The following RPS6KC1 variants were observed in gnomAD, a reference collection of about 807,000 sequenced individuals.
RPS6KC1 encodes inactive ribosomal protein S6 kinase delta-1.
A neutral mutation model predicts 103.8 loss-of-function variants in RPS6KC1; 54 were observed. The observed-to-expected ratio is 0.52, with a 90% CI of 0.42 to 0.65. RPS6KC1 has a LOEUF of 0.65. Ranked by LOEUF, RPS6KC1 falls within the 30% of genes least tolerant of loss-of-function variation. The pLI is 0.00. For missense variants in RPS6KC1, 1,151 were observed against 1,253.8 expected, an observed-to-expected ratio of 0.92 and a Z score of 1.24; for synonymous variants, 439 against 438.7, an observed-to-expected ratio of 1.00 and a Z score of -0.01.
intron 5 of RPS6KC1, among the ~76,000 whole-genome samples, chr1:213,118,298 C>T (rs1266686154): frequency 6.7e-6 from 1 of 149,762 alleles, no homozygotes; most frequent in African/African-American, 2.5e-5. Flanking sequence ...AGTTTTTTTT[C>T]AGGGAAGGTT....
the RPS6KC1 span, among the ~76,000 whole-genome samples, chr1:213,637,556 A>G: frequency 7.4e-6 from 1 of 135,912 alleles, no homozygotes; most frequent in African/African-American, 2.5e-5. Context: ...CCTAGAACTT[A>G]AAGTATAATA....
At position 213,241,964 on chromosome 1, in the gene RPS6KC1, G is replaced by A; in HGVS notation, c.2488G>A (p.Glu830Lys). ...RICSPLSGAN[E>K]YIASTDTLKT... ...TTGTAGTCCACTCTCAGGTGCTAAT[G>A]AATATATTGCAAGCACAGACACTTT... The change falls in exon 11 of 15, where the codon GAA becomes AAA. Residue 830 changes from glutamate (E) to lysine (K), a missense_variant. Physicochemically the swap from Glu to Lys is moderately conservative, Grantham distance 56 (BLOSUM62 1). This residue lies in a region of RPS6KC1 where 959 missense variants were observed against 1,006.3 expected (regional missense o/e 0.95). Transcript: ENST00000366960. The A allele has an allele frequency of 1.2e-6, 2 of 1,613,966 alleles. No homozygotes were observed. Among genetic ancestry groups the A allele is most frequent in the East Asian group, 4.5e-5 (2 of 44,882 alleles).
At chr1:213,723,156 G>A in the RPS6KC1 span, among the ~76,000 whole-genome samples, 124 of 152,280 alleles carry the variant, frequency 8.1e-4, no homozygotes, top group African/African-American at 2.4e-3. Context: ...CTCCAGCCTG[G>A]GCAACAAGAG....
chr1:213,663,129 G>A, the RPS6KC1 span, among the ~76,000 whole-genome samples: 3 of 152,174 alleles, frequency 2.0e-5, no homozygotes, highest in Non-Finnish European at 4.4e-5. Flanking sequence ...GGGATTATTG[G>A]GTTATTGTGA....
chr1:213,575,881 C>T, the RPS6KC1 span, among the ~76,000 whole-genome samples: 8 of 152,152 alleles, frequency 5.3e-5, no homozygotes, highest in Non-Finnish European at 1.2e-4. Context: ...TGCTGATCTT[C>T]AGTTATGTCC....
intron 8 of RPS6KC1, among the ~76,000 whole-genome samples, chr1:213,184,431 A>G (rs915552614): frequency 6.6e-6 from 1 of 151,974 alleles, no homozygotes; most frequent in Non-Finnish European, 1.5e-5. Flanking sequence ...CATTAAATTC[A>G]TATTTATCTT....
the RPS6KC1 span, among the ~76,000 whole-genome samples, chr1:213,750,803 C>T: frequency 3.3e-5 from 5 of 152,146 alleles, no homozygotes; most frequent in African/African-American, 1.2e-4. Context: ...AGTTCCAGCC[C>T]TCTGCCCCCA....
chr1:213,529,201 G>A, the RPS6KC1 span, among the ~76,000 whole-genome samples: 6 of 151,088 alleles, frequency 4.0e-5, no homozygotes, highest in African/African-American at 1.5e-4. Context: ...AAGATAATGG[G>A]GAGGGGGATT....
intron 6 of RPS6KC1, among the ~76,000 whole-genome samples, chr1:213,133,866 A>G (rs1215235066): frequency 6.6e-6 from 1 of 152,190 alleles, no homozygotes; most frequent in Non-Finnish European, 1.5e-5. Flanking sequence ...GCTACTTCTC[A>G]CATGTTCCTC....
At chr1:213,430,637 A>AT in the RPS6KC1 span, among the ~76,000 whole-genome samples, 6 of 151,350 alleles carry the variant, frequency 4.0e-5, no homozygotes, top group South Asian at 2.1e-4. Context: ...TCCAGTCTGT[A>AT]TTTTTTTTTC....
At chr1:213,445,717 C>T in the RPS6KC1 span, among the ~76,000 whole-genome samples, 4 of 152,188 alleles carry the variant, frequency 2.6e-5, no homozygotes, top group African/African-American at 9.7e-5. Context: ...GGAAGCCACA[C>T]CCTCGTTATT....
intron 14 of RPS6KC1, among the ~76,000 whole-genome samples, chr1:213,270,818 T>G (rs1186825404): frequency 6.6e-6 from 1 of 152,156 alleles, no homozygotes; most frequent in Non-Finnish European, 1.5e-5. Context: ...TTTGAATGGC[T>G]AACGAGCACA....
the RPS6KC1 span, among the ~76,000 whole-genome samples, chr1:213,615,914 C>T: frequency 6.6e-6 from 1 of 152,160 alleles, no homozygotes; most frequent in Non-Finnish European, 1.5e-5. Context: ...AGTGACTGTT[C>T]TGGGGGAGGG....
chr1:213,544,583 C>G, the RPS6KC1 span, among the ~76,000 whole-genome samples: 2 of 152,136 alleles, frequency 1.3e-5, no homozygotes. Flanking sequence ...ATCTCCCTGC[C>G]ATGGAGCTAC....
rs149841756 is a variant in RPS6KC1 at position 213,202,427 on chromosome 1, A to G, written c.1044+25935A>G. On this transcript the variant is annotated intron_variant, in intron 8 of 14. Coordinates refer to ENST00000366960, the MANE Select transcript of RPS6KC1 (RefSeq NM_012424.6). ...CAGGAGTTCAAGACCATCCTGGCCA[A>G]CATAGTGCAACCCTGTCTCTACTAA... 3.2e-3 allele frequency among the ~76,000 whole-genome samples: 481 copies of G among 152,268 alleles called. 4 individuals carry two copies. The highest frequency in any genetic ancestry group is 0.011 in the African/African-American group (458 of 41,564).
At chr1:213,423,035 G>A in the RPS6KC1 span, among the ~76,000 whole-genome samples, 2 of 152,180 alleles carry the variant, frequency 1.3e-5, no homozygotes, top group African/African-American at 4.8e-5. Flanking sequence ...GACTTCTTCA[G>A]GCACCTACTT....
the RPS6KC1 span, among the ~76,000 whole-genome samples, chr1:213,804,076 G>A: frequency 6.9e-6 from 1 of 145,210 alleles, no homozygotes; most frequent in Admixed American, 7.2e-5. Context: ...AAACCTGCAC[G>A]TTGTGAACAT....
At chr1:213,665,122 A>T in the RPS6KC1 span, among the ~76,000 whole-genome samples, 1 of 152,152 alleles carries the variant, frequency 6.6e-6, no homozygotes, top group Non-Finnish European at 1.5e-5. Flanking sequence ...ATGACAGAAT[A>T]GGGCAATTAA....
At chr1:213,844,895 C>T in the RPS6KC1 span, among the ~76,000 whole-genome samples, 1 of 152,118 alleles carries the variant, frequency 6.6e-6, no homozygotes, top group African/African-American at 2.4e-5. Context: ...TCCCTACCTC[C>T]ACCCCAGCTG....
Sources: allele counts gnomAD v4.1 joint callset (sites outside exome capture counted in the v4.1 genomes callset), GRCh38; gene constraint gnomAD v4.1.1; regional missense constraint gnomAD v4.1.1; transcripts MANE v1.5; gene names NCBI Gene and HGNC (gene_info 2026-07-23, HGNC 2026-07-21).